Variants in ZC3H18 observed in about 807,000 individuals in gnomAD.
ZC3H18 encodes zinc finger CCCH-type containing 18, also known as zinc finger CCCH domain-containing protein 18.
A neutral mutation model predicts 106.1 loss-of-function variants in ZC3H18; 8 were observed. The observed-to-expected ratio is 0.08, with a 90% CI of 0.04 to 0.14. The LOEUF (loss-of-function observed/expected upper bound fraction) is 0.14, where lower values mean the gene tolerates loss of function less well. Among genes scored for constraint, ZC3H18 ranks in the 10% least tolerant of loss-of-function variants. The pLI is 1.00. For missense variants in ZC3H18, 1,318 were observed against 1,278.4 expected (o/e 1.03, Z -0.47); for synonymous variants, 635 against 522.1 (o/e 1.22, Z -2.95).
In ZC3H18 at chr16:88,627,329, T is replaced by G; in HGVS notation, c.2109-293T>G. 2 of 294,102 alleles carry G rather than the reference T, an allele frequency of 6.8e-6. No individual in the cohort carries two copies. Among genetic ancestry groups the G allele is most frequent in the Non-Finnish European group, 1.3e-5 (2 of 157,284 alleles). The allele number at this position is 294,102 out of a possible 1,614,324, so 18.2% of individuals were successfully genotyped here. On this transcript the variant is annotated intron_variant, in intron 13 of 17. Coordinates refer to ENST00000301011, the MANE Select transcript of ZC3H18 (RefSeq NM_144604.4). The surrounding 1 kb of genome is among the most constrained non-coding windows in gnomAD (Gnocchi z 4.5). ...AGTTCAGCTGGGTCTCAGACCCCAT[T>G]GCTCGTGACGAGATCTGCCCATCTC...
chr16:88,598,881 C>CA (rs1904595345), intron 5 of ZC3H18, among the ~76,000 whole-genome samples, 169 bp downstream of exon 5: 1 of 152,052 alleles, frequency 6.6e-6, no homozygotes, highest in African/African-American at 2.4e-5. Flanking sequence ...TTTTTGGAGA[C>CA]AGAGTTTCAC....
intron 7 of ZC3H18, among the ~76,000 whole-genome samples, chr16:88,609,464 A>AT (rs1905171374): frequency 6.6e-6 from 1 of 151,512 alleles, no homozygotes; most frequent in African/African-American, 2.4e-5. Flanking sequence ...TGCCCAGCTA[A>AT]TTTTTTTGTA....
intron 3 of ZC3H18, among the ~76,000 whole-genome samples, chr16:88,589,353 C>G (rs1308497251): frequency 3.3e-5 from 5 of 152,198 alleles, no homozygotes; most frequent in African/African-American, 1.2e-4. Flanking sequence ...TATGTGAAAG[C>G]TTGTGCATTA....
rs1906025994 is a variant in ZC3H18, at chr16:88,622,442, G to C, written c.1667+54G>C. On this transcript the variant is annotated intron_variant, in intron 9 of 17. Coordinates refer to ENST00000301011, the MANE Select transcript of ZC3H18 (RefSeq NM_144604.4). ...TGTCAGCACCTTGGAGCCGTCAGCT[G>C]ACACCATGTACCTCACTGGGTCAGG... The C allele has an allele frequency of 2.0e-6, 3 of 1,522,072 alleles. No homozygotes were observed. The Admixed American group carries it at 6.1e-5, about 31-fold the overall frequency. The allele number at this position is 1,522,072 out of a possible 1,614,324, so 94.3% of individuals were successfully genotyped here.
chr16:88,628,175 G>A, intron 15 of ZC3H18, 56 bp downstream of exon 15: 1 of 1,584,674 alleles, frequency 6.3e-7, no homozygotes. Flanking sequence ...GGGTCCATCT[G>A]CTTCCTGAGA....
chr16:88,624,791 G>C, intron 12 of ZC3H18, 46 bp downstream of exon 12: 1 of 1,561,760 alleles, frequency 6.4e-7, no homozygotes, highest in Non-Finnish European at 8.7e-7. Flanking sequence ...CGTGTTCTTG[G>C]TGCCACTGTG....
Position 88,631,154 on chromosome 16 carries a change from C to G in ZC3H18, c.2717C>G (p.Pro906Arg), listed in dbSNP as rs1005276231. The change falls in exon 18 of 18, where the codon CCC becomes CGC. Residue 906 changes from proline to arginine, a missense_variant. Physicochemically the swap from Pro to Arg is moderately radical, Grantham distance 103. Coordinates refer to ENST00000301011, the MANE Select transcript of ZC3H18 (RefSeq NM_144604.4). ...AGCTCCAGCAAGGTCACGAGCGTGC[C>G]CGGCAAAGCCTCGGATCCCGGCGCC... is the stretch of plus-strand genomic sequence containing the variant. ...SKSSSKVTSV[P>R]GKASDPGAAS... is the part of the protein sequence containing the mutation. The G allele has an allele frequency of 6.2e-7, 1 of 1,613,300 alleles. No individual in the cohort carries two copies. The highest frequency in any genetic ancestry group is 8.5e-7 in the Non-Finnish European group (1 of 1,180,028).
chr16:88,593,164 C>G (rs1250795107), intron 3 of ZC3H18, among the ~76,000 whole-genome samples: 4 of 152,302 alleles, frequency 2.6e-5, no homozygotes, highest in South Asian at 4.1e-4. Context: ...GAAATATGCT[C>G]GCATGATGAC....
chr16:88,583,855 C>T (rs1044808183), intron 2 of ZC3H18, among the ~76,000 whole-genome samples: 6 of 152,108 alleles, frequency 3.9e-5, no homozygotes, highest in African/African-American at 1.4e-4. Context: ...TCAGGCCCCT[C>T]CTTGTCCTCT....
chr16:88,578,793 C>T (rs1320064578), intron 2 of ZC3H18, among the ~76,000 whole-genome samples: 1 of 152,156 alleles, frequency 6.6e-6, no homozygotes, highest in Admixed American at 6.5e-5. Flanking sequence ...CAGGTTCAGG[C>T]AATTATCCTG....
At chr16:88,618,062 A>C (rs1905733168) in intron 8 of ZC3H18, among the ~76,000 whole-genome samples, 1 of 152,244 alleles carries the variant, frequency 6.6e-6, no homozygotes, top group African/African-American at 2.4e-5. Context: ...CAGAAGGCGC[A>C]GTTGCTGGTG....
At chr16:88,610,322 C>G (rs1292526005) in intron 7 of ZC3H18, among the ~76,000 whole-genome samples, 1 of 152,182 alleles carries the variant, frequency 6.6e-6, no homozygotes, top group Admixed American at 6.5e-5. Flanking sequence ...GTGCGGCTGT[C>G]TCCTCAGGAG....
At chr16:88,594,676 C>T (rs1347231892) in intron 3 of ZC3H18, among the ~76,000 whole-genome samples, 2 of 152,042 alleles carry the variant, frequency 1.3e-5, no homozygotes, top group Non-Finnish European at 2.9e-5. Context: ...TGGATGGAGC[C>T]CCAGTATATT....
chr16:88,602,930 T>C lies in ZC3H18; in HGVS notation c.1088+2982T>C, dbSNP rs559096324. Among the ~76,000 whole-genome samples, 5 of 152,184 alleles carry C rather than the reference T, an allele frequency of 3.3e-5. No homozygotes were observed. The East Asian group carries it at 9.7e-4, about 29-fold the overall frequency. On this transcript the variant is annotated intron_variant, in intron 6 of 17. Transcript: ENST00000301011. ...TGGAATATGAGGACTTTTCGAGAAG[T>C]CTTGAGGACATAAAGGACAAGAAAA...
At chr16:88,622,545 T>C (rs17700914) in intron 9 of ZC3H18, 157 bp downstream of exon 9, 52,577 of 786,766 alleles carry the variant, frequency 0.067, 2,126 homozygotes, top group South Asian at 0.085. Flanking sequence ...CCGGCGTTTA[T>C]ACCTTCAGCA....
At chr16:88,610,250 T>TAG (rs1345361103) in intron 7 of ZC3H18, among the ~76,000 whole-genome samples, 1 of 152,180 alleles carries the variant, frequency 6.6e-6, no homozygotes, top group African/African-American at 2.4e-5. Context: ...AAGGGTCAGT[T>TAG]AGAAGCTGCT....
At chr16:88,630,894 G>C (rs925678475) in intron 17 of ZC3H18, among the ~76,000 whole-genome samples, 2 of 152,186 alleles carry the variant, frequency 1.3e-5, no homozygotes, top group Non-Finnish European at 2.9e-5. Context: ...GCCAGCCCAG[G>C]ACCCTCCCAG....
intron 9 of ZC3H18, chr16:88,622,863 T>A: frequency 3.2e-6 from 1 of 315,156 alleles, no homozygotes; most frequent in Non-Finnish European, 6.0e-6. Flanking sequence ...GAGGTGTGGG[T>A]GGGAGGCCAG....
intron 3 of ZC3H18, 69 bp from the exon 4 acceptor site, chr16:88,598,098 TCCCACCCCCCA>T: frequency 9.8e-6 from 1 of 102,148 alleles, no homozygotes; most frequent in Non-Finnish European, 1.9e-5. Flanking sequence ...CTCTGCCCCC[TCCCACCCCCCA>T]CCCCAGCAGC....
Sources: gnomAD v4.1 joint callset for allele counts (sites outside exome capture counted in the v4.1 genomes callset) on GRCh38, gnomAD v4.1.1 for gene constraint, Gnocchi (gnomAD v3.1) non-coding constraint, MANE v1.5 for transcripts, NCBI Gene and HGNC (gene_info 2026-07-23, HGNC 2026-07-21) for gene names.